The following RIF1 variants were observed in gnomAD, a reference collection of about 807,000 sequenced individuals.
RIF1 encodes replication timing regulatory factor 1.
A neutral mutation model predicts 247.1 loss-of-function variants in RIF1; 45 were observed. The observed-to-expected ratio is 0.18, with a 90% CI of 0.14 to 0.23. RIF1 has a LOEUF of 0.23. Ranked by LOEUF, RIF1 falls within the 10% of genes least tolerant of loss-of-function variation. The pLI, the probability that RIF1 is intolerant of heterozygous loss-of-function variation, is 1.00. For missense variants in RIF1, 2,967 were observed against 2,862.5 expected (o/e 1.04, Z -0.83); for synonymous variants, 1,087 against 978.8 (o/e 1.11, Z -2.06).
At chr2:151,416,481 ATTG>A in intron 4 of RIF1, 77 bp from the exon 5 acceptor site, 1 of 1,252,692 alleles carries the variant, frequency 8.0e-7, no homozygotes, top group Non-Finnish European at 1.1e-6. Context: ...TGATGAGTAT[ATTG>A]TTTTCTCTAG....
chr2:151,430,448 A>T (rs764533133), intron 9 of RIF1, among the ~76,000 whole-genome samples: 1 of 151,826 alleles, frequency 6.6e-6, no homozygotes, highest in Non-Finnish European at 1.5e-5. Context: ...CAGCCTCCCA[A>T]GTAGCTGGGA....
Position 151,477,206 on chromosome 2 carries a change from C to T in RIF1, c.*2135C>T, listed in dbSNP as rs966538475. 20 of 152,182 alleles carry T rather than the reference C, an allele frequency of 1.3e-4. No homozygotes were observed. Among genetic ancestry groups the T allele is most frequent in the Non-Finnish European group, 2.4e-4 (16 of 68,026 alleles). The allele number at this position is 152,182 out of a possible 1,614,324, so 9.4% of individuals were successfully genotyped here. A position where few individuals can be genotyped will look rare whatever the true frequency, so the allele number is the denominator to read the frequency against. ...TTGCCTTAAAGTTTCCTGCAAATTTCCCCCTTAGTAATTCCCGAATAGCAA... is the reference window on the plus strand; with the variant it reads ...TTGCCTTAAAGTTTCCTGCAAATTTTCCCCTTAGTAATTCCCGAATAGCAA... On this transcript the variant is annotated 3_prime_UTR_variant, in exon 36 of 36. Coordinates refer to ENST00000444746, the MANE Select transcript of RIF1 (RefSeq NM_018151.5).
At chr2:151,449,249 T>C (rs1244027328) in intron 20 of RIF1, among the ~76,000 whole-genome samples, 2 of 152,208 alleles carry the variant, frequency 1.3e-5, no homozygotes, top group Admixed American at 6.5e-5. Context: ...GCTATTCTTT[T>C]AAATTATCAT....
intron 34 of RIF1, among the ~76,000 whole-genome samples, chr2:151,471,347 T>C (rs1225449386): frequency 6.6e-6 from 1 of 152,228 alleles, no homozygotes; most frequent in East Asian, 1.9e-4. Flanking sequence ...GTAGTTTCTT[T>C]TGCTGTGCAG....
At position 151,465,836 on chromosome 2, in the gene RIF1, G is replaced by A; in HGVS notation, c.6316G>A (p.Glu2106Lys). The change falls in exon 30 of 36, where the codon GAA (glutamate) becomes AAA (lysine). Residue 2106 changes from glutamate to lysine, a missense_variant. Physicochemically the swap from Glu to Lys is moderately conservative, Grantham distance 56 (BLOSUM62 1). Around this residue, in one of 7 missense-constraint regions of RIF1, gnomAD observed 2,028 missense variants for 1,825.6 expected, o/e 1.11. Coordinates refer to ENST00000444746, the MANE Select transcript of RIF1 (RefSeq NM_018151.5). ...EKLDNNQMVM[E>K]SDILQEDHHT... is the part of the protein sequence containing the mutation. ...ATTAGATAACAATCAAATGGTAATG[G>A]AAAGTGATATTTTACAGGAAGATCA... The A allele has an allele frequency of 2.5e-6, 4 of 1,613,260 alleles. No individual in the cohort carries two copies. Among genetic ancestry groups the A allele is most frequent in the Non-Finnish European group, 3.4e-6 (4 of 1,179,194 alleles).
At chr2:151,415,736 G>A (rs760636232) in intron 4 of RIF1, among the ~76,000 whole-genome samples, 6 of 151,874 alleles carry the variant, frequency 4.0e-5, no homozygotes, top group Non-Finnish European at 8.8e-5. Flanking sequence ...AATTAGCTGG[G>A]TGTGGTGGCG....
At chr2:151,500,700 T>A (rs996065229) in intron 11 of RIF1, among the ~76,000 whole-genome samples, 1 of 150,032 alleles carries the variant, frequency 6.7e-6, no homozygotes, top group African/African-American at 2.4e-5. Context: ...AGGGTTCAGA[T>A]GAACCTCCCA....
chr2:151,526,400 A>G, the RIF1 span: 1 of 677,674 alleles, frequency 1.5e-6, no homozygotes. Flanking sequence ...AAATTTTGGG[A>G]AATATTCAAA....
In RIF1 at chr2:151,446,497, G is replaced by C. The variant is rs747810604; in HGVS notation, c.2166G>C (p.Val722=). The C allele has an allele frequency of 6.2e-7, 1 of 1,613,724 alleles. No homozygotes were observed. The highest frequency in any genetic ancestry group is 1.1e-5 in the South Asian group (1 of 90,942). ...YRAFARCAAL[V]ATAEENLCCE... Reference sequence around the variant, plus strand: ...CATTTGCTCGTTGTGCTGCTTTGGTGGCAACAGCAGAAGAGAACTTGTGCT... The same window carrying C: ...CATTTGCTCGTTGTGCTGCTTTGGTCGCAACAGCAGAAGAGAACTTGTGCT... Residue 722 remains valine (V), a synonymous_variant, in exon 20 of 36, where the codon GTG becomes GTC. Transcript: ENST00000444746.
the RIF1 span, among the ~76,000 whole-genome samples, chr2:151,533,833 A>G: frequency 3.3e-5 from 5 of 152,254 alleles, no homozygotes; most frequent in Non-Finnish European, 5.9e-5. Context: ...TGGAATAGAA[A>G]GATATATAGT....
At chr2:151,513,377 A>G in the RIF1 span, among the ~76,000 whole-genome samples, 3 of 152,204 alleles carry the variant, frequency 2.0e-5, no homozygotes, top group East Asian at 3.8e-4. Flanking sequence ...CCCAGAGCCT[A>G]TAGACTTAGA....
the RIF1 span, among the ~76,000 whole-genome samples, chr2:151,523,700 C>CT: frequency 6.6e-6 from 1 of 152,138 alleles, no homozygotes; most frequent in African/African-American, 2.4e-5. Flanking sequence ...CAACACATTT[C>CT]TGAGTCCATT....
At chr2:151,461,057 T>G in intron 26 of RIF1, 81 bp from the exon 27 acceptor site, 3 of 1,269,772 alleles carry the variant, frequency 2.4e-6, no homozygotes, top group Non-Finnish European at 3.3e-6. Context: ...AATGGTGTCA[T>G]TATTAGAGGA....
chr2:151,451,722 T>C lies in RIF1; in HGVS notation c.2344+17T>C, dbSNP rs772476802. 7.8e-7 allele frequency: 1 copy of C among 1,275,210 alleles called. No individual in the cohort carries two copies. The highest frequency in any genetic ancestry group is 1.1e-6 in the Non-Finnish European group (1 of 875,484). 79.0% of individuals were successfully genotyped at this position (1,275,210 alleles called of 1,614,324 possible). A position where few individuals can be genotyped will look rare whatever the true frequency, so the allele number is the denominator to read the frequency against. On this transcript the variant is annotated intron_variant, in intron 21 of 35. Transcript: ENST00000444746. Reference sequence around the variant, plus strand: ...AAGTTAAATGTAAGTATGTATTTTTTAACCTTTGTTTGTCCAGTATTTCAT... The same window carrying C: ...AAGTTAAATGTAAGTATGTATTTTTCAACCTTTGTTTGTCCAGTATTTCAT...
At position 151,446,488 on chromosome 2, in the gene RIF1, T is replaced by C. The variant is rs1157577756; in HGVS notation, c.2157T>C (p.Ala719=). The C allele has an allele frequency of 2.5e-6, 4 of 1,614,026 alleles. No homozygotes were observed. The highest frequency in any genetic ancestry group is 2.2e-5 in the South Asian group (2 of 91,000). ...SELYRAFARC[A]ALVATAEENL... ...TATATAGAGCATTTGCTCGTTGTGCTGCTTTGGTGGCAACAGCAGAAGAGA... is the reference window on the plus strand; with the variant it reads ...TATATAGAGCATTTGCTCGTTGTGCCGCTTTGGTGGCAACAGCAGAAGAGA... The change falls in exon 20 of 36, where the codon GCT becomes GCC. Residue 719 remains alanine (A), a synonymous_variant. Coordinates refer to ENST00000444746, the MANE Select transcript of RIF1 (RefSeq NM_018151.5).
At chr2:151,497,750 C>T (rs770935721) in intron 10 of RIF1, 1 of 1,554,410 alleles carries the variant, frequency 6.4e-7, no homozygotes, top group East Asian at 2.4e-5. Context: ...AGAAAAACAA[C>T]CATGAGTAAC....
chr2:151,508,061 C>T, downstream of RIF1: 2 of 1,611,282 alleles, frequency 1.2e-6, no homozygotes, highest in East Asian at 2.2e-5. Context: ...GTGTCCAAAA[C>T]AGTCTCATAA....
At chr2:151,432,150 A>G (rs963538378) in intron 9 of RIF1, among the ~76,000 whole-genome samples, 1 of 152,110 alleles carries the variant, frequency 6.6e-6, no homozygotes, top group Non-Finnish European at 1.5e-5. Context: ...CTGGTATTAC[A>G]GGAGCCACCG....
rs549178913 is a variant in RIF1 at position 151,467,385 on chromosome 2, A to G, written c.6601-615A>G. ...TGAGATGGAGTCTTACTCTGTCTGT[A>G]AGACAGAGTAGTGCAGTGGCACGAT... On this transcript the variant is annotated intron_variant, in intron 30 of 35. Coordinates refer to ENST00000444746, the MANE Select transcript of RIF1 (RefSeq NM_018151.5). Among the ~76,000 whole-genome samples the G allele has an allele frequency of 9.9e-5, 15 of 152,118 alleles. No homozygotes were observed. In the East Asian group the frequency reaches 2.9e-3, roughly 30 times the overall value.
Sources: allele counts gnomAD v4.1 joint callset (sites outside exome capture counted in the v4.1 genomes callset), GRCh38; gene constraint gnomAD v4.1.1; regional missense constraint gnomAD v4.1.1; transcripts MANE v1.5; gene names NCBI Gene and HGNC (gene_info 2026-07-23, HGNC 2026-07-21).